Variants in MAPRE3 observed in about 807,000 individuals in gnomAD.
MAPRE3 encodes the protein microtubule-associated protein RP/EB family member 3.
MAPRE3 carries 2 observed loss-of-function variants against 30.5 expected under a neutral mutation model. The observed-to-expected ratio is 0.07, with a 90% CI of 0.03 to 0.21. The LOEUF (loss-of-function observed/expected upper bound fraction) is 0.21, where lower values mean the gene tolerates loss of function less well. Among genes scored for constraint, MAPRE3 ranks in the 10% least tolerant of loss-of-function variants. The probability of loss-of-function intolerance (pLI) is 1.00; values close to 1 mark genes in which losing one functional copy is unlikely to be tolerated. For synonymous variants in MAPRE3, 110 were observed against 127.7 expected, an observed-to-expected ratio of 0.86 and a Z score of 0.93; for missense variants, 204 against 351.8, an observed-to-expected ratio of 0.58 and a Z score of 3.36.
At chr2:27,019,832 A>G (rs925130443) in intron 1 of MAPRE3, among the ~76,000 whole-genome samples, 5 of 152,232 alleles carry the variant, frequency 3.3e-5, no homozygotes, top group African/African-American at 9.7e-5. Context: ...CAAAGCATTC[A>G]TTTAAGTTAA....
At chr2:27,023,856 G>A (rs1413408094) in intron 3 of MAPRE3, 1 of 528,616 alleles carries the variant, frequency 1.9e-6, no homozygotes, top group Admixed American at 3.2e-5. Flanking sequence ...AGAGCCAAGG[G>A]ACGCCTCCCC....
At chr2:26,999,242 A>G (rs1157937706) in intron 1 of MAPRE3, among the ~76,000 whole-genome samples, 2 of 152,174 alleles carry the variant, frequency 1.3e-5, no homozygotes, top group East Asian at 1.9e-4. Context: ...GGGGGTAACT[A>G]AAGCAGTGTT....
chr2:26,984,386 A>G (rs1371929204), intron 1 of MAPRE3, among the ~76,000 whole-genome samples: 1 of 152,236 alleles, frequency 6.6e-6, no homozygotes, highest in Non-Finnish European at 1.5e-5. Context: ...ACTTTTTTCT[A>G]CACACATACT....
intron 1 of MAPRE3, among the ~76,000 whole-genome samples, chr2:27,019,117 C>T (rs1667055803): frequency 6.6e-6 from 1 of 152,006 alleles, no homozygotes; most frequent in Admixed American, 6.6e-5. Context: ...TGGTCTTGAA[C>T]TCCTGGCTTA....
Position 26,986,592 on chromosome 2 carries a change from G to A in MAPRE3, c.-8+15790G>A, listed in dbSNP as rs1666225061. ...AAGATGGGGGTATGAATGTGAGCTA[G>A]GCAAGATGAGGTTCTCCCTGTAAGT... On this transcript the variant is annotated intron_variant, in intron 1 of 6. Coordinates refer to ENST00000233121, the MANE Select transcript of MAPRE3 (RefSeq NM_012326.4). This position sits in a 1 kb window ranked among gnomAD's most constrained non-coding sequence, Gnocchi z 4.2. 1 of 152,246 alleles carries A rather than the reference G, an allele frequency of 6.6e-6. No homozygotes were observed. The highest frequency in any genetic ancestry group is 1.5e-5 in the Non-Finnish European group (1 of 68,072). 9.4% of individuals were successfully genotyped at this position (152,246 alleles called of 1,614,324 possible).
Position 26,986,596 on chromosome 2 carries a change from AG to A in MAPRE3, c.-8+15795del, listed in dbSNP as rs1427712111. ...TGGGGGTATGAATGTGAGCTAGGCA[AG>A]ATGAGGTTCTCCCTGTAAGTTTTCG... On this transcript the variant is annotated intron_variant, in intron 1 of 6. Coordinates refer to ENST00000233121, the MANE Select transcript of MAPRE3 (RefSeq NM_012326.4). This position sits in a 1 kb window ranked among gnomAD's most constrained non-coding sequence, Gnocchi z 4.2. 6.6e-6 allele frequency: 1 copy of A among 152,386 alleles called. No individual in the cohort carries two copies. Among genetic ancestry groups the A allele is most frequent in the Middle Eastern group, 3.4e-3 (1 of 294 alleles). 9.4% of individuals were successfully genotyped at this position (152,386 alleles called of 1,614,324 possible).
intron 1 of MAPRE3, among the ~76,000 whole-genome samples, chr2:27,017,803 A>ATGTG (rs34348240): frequency 6.7e-4 from 102 of 151,614 alleles, no homozygotes; most frequent in Admixed American, 1.5e-3. Context: ...CTTTAAAATT[A>ATGTG]TGTGTGTGTG....
intron 1 of MAPRE3, among the ~76,000 whole-genome samples, chr2:26,977,759 C>T (rs1321316993): frequency 2.0e-5 from 3 of 152,160 alleles, no homozygotes; most frequent in Non-Finnish European, 2.9e-5. Context: ...AGGGCCTGGC[C>T]GGGCAGCTGT....
intron 1 of MAPRE3, among the ~76,000 whole-genome samples, chr2:27,000,313 G>C (rs527439812): frequency 6.6e-6 from 1 of 152,190 alleles, no homozygotes; most frequent in Non-Finnish European, 1.5e-5. Flanking sequence ...AGGACTCACC[G>C]CGGAGCAAAG....
chr2:26,983,013 G>A (rs1666144855), intron 1 of MAPRE3, among the ~76,000 whole-genome samples: 1 of 152,132 alleles, frequency 6.6e-6, no homozygotes, highest in Non-Finnish European at 1.5e-5. Context: ...TTGAAAATTA[G>A]GAAGGCCCAA....
At chr2:26,996,344 T>G (rs915992229) in intron 1 of MAPRE3, among the ~76,000 whole-genome samples, 1 of 151,662 alleles carries the variant, frequency 6.6e-6, no homozygotes, top group South Asian at 2.1e-4. Context: ...TTAGTAGAGA[T>G]GAAGGCCTCA....
At chr2:26,971,029 C>T (rs1171360056) in intron 1 of MAPRE3, among the ~76,000 whole-genome samples, 1 of 152,148 alleles carries the variant, frequency 6.6e-6, no homozygotes, top group African/African-American at 2.4e-5. Flanking sequence ...CCCTTCCCTC[C>T]CCTCCCCTTC....
chr2:26,990,800 A>G lies in MAPRE3; in HGVS notation c.-8+19998A>G, dbSNP rs539636646. Among the ~76,000 whole-genome samples, 3 of 152,336 alleles carry G rather than the reference A, an allele frequency of 2.0e-5. No homozygotes were observed. The South Asian group carries it at 6.2e-4, about 32-fold the overall frequency. ...CTTAAATAATTACAGGGAAGAATCA[A>G]CTGCTGTTATAGCTCTAGTATATCA... On this transcript the variant is annotated intron_variant, in intron 1 of 6. Transcript: ENST00000233121.
intron 1 of MAPRE3, among the ~76,000 whole-genome samples, chr2:26,991,149 G>A (rs1386265337): frequency 6.6e-6 from 1 of 152,200 alleles, no homozygotes; most frequent in Non-Finnish European, 1.5e-5. Context: ...AGCTGCTCTG[G>A]AGGCTGAGGC....
At chr2:27,003,850 G>A (rs1455059663) in intron 1 of MAPRE3, among the ~76,000 whole-genome samples, 1 of 152,222 alleles carries the variant, frequency 6.6e-6, no homozygotes, top group Non-Finnish European at 1.5e-5. Context: ...CTCCCCGGCT[G>A]TCAAAATTCC....
chr2:26,980,707 G>T (rs1216484495), intron 1 of MAPRE3, among the ~76,000 whole-genome samples: 2 of 152,146 alleles, frequency 1.3e-5, no homozygotes, highest in Non-Finnish European at 2.9e-5. Context: ...GGTGCAAAGG[G>T]TACGATTTTT....
At chr2:26,984,406 T>C (rs1182174944) in intron 1 of MAPRE3, among the ~76,000 whole-genome samples, 1 of 152,102 alleles carries the variant, frequency 6.6e-6, no homozygotes, top group Non-Finnish European at 1.5e-5. Flanking sequence ...TAACATATTA[T>C]TTTTTTTAAA....
At chr2:27,010,285 C>T (rs1666819997) in intron 1 of MAPRE3, among the ~76,000 whole-genome samples, 1 of 152,086 alleles carries the variant, frequency 6.6e-6, no homozygotes, top group South Asian at 2.1e-4. Flanking sequence ...ATTTGTGATA[C>T]AGTGTTGTGA....
At chr2:26,971,633 T>A (rs1057201325) in intron 1 of MAPRE3, among the ~76,000 whole-genome samples, 20 of 151,762 alleles carry the variant, frequency 1.3e-4, no homozygotes, top group East Asian at 9.6e-4. Context: ...TTTTTTTTTT[T>A]AAATCGCACT....
Sources: allele counts gnomAD v4.1 joint callset (sites outside exome capture counted in the v4.1 genomes callset), GRCh38; gene constraint gnomAD v4.1.1; non-coding constraint Gnocchi (gnomAD v3.1); transcripts MANE v1.5; gene names NCBI Gene and HGNC (gene_info 2026-07-23, HGNC 2026-07-21).